Variants in PDE6A observed in about 807,000 individuals in gnomAD.
PDE6A encodes phosphodiesterase 6A.
In PDE6A, 84 loss-of-function variants were observed where a neutral mutation model predicts 106.3. The ratio of observed to expected loss-of-function variants is 0.79; its 90% CI spans 0.66 to 0.95. The LOEUF (loss-of-function observed/expected upper bound fraction) is 0.95. PDE6A is among the 40% of genes least tolerant of loss of function. PDE6A has a pLI of 0.00. For synonymous variants in PDE6A, 394 were observed against 386.6 expected (o/e 1.02, Z -0.23); for missense variants, 1,052 against 1,084.9 (o/e 0.97, Z 0.43).
chr5:149,902,607 G>A (rs1753019677), intron 8 of PDE6A, among the ~76,000 whole-genome samples: 1 of 152,010 alleles, frequency 6.6e-6, no homozygotes, highest in Non-Finnish European at 1.5e-5. Context: ...GATCACCTGC[G>A]GTCAGGAGTT....
intron 4 of PDE6A, among the ~76,000 whole-genome samples, chr5:149,929,174 A>G: frequency 6.6e-6 from 1 of 152,360 alleles, no homozygotes; most frequent in Non-Finnish European, 1.5e-5. Flanking sequence ...AAGTTTCATA[A>G]TAACAGTATT....
chr5:149,934,776 G>A (rs536709443), intron 1 of PDE6A, 58 bp from the exon 2 acceptor site: 11 of 1,561,868 alleles, frequency 7.0e-6, no homozygotes, highest in South Asian at 3.3e-5. Context: ...ACAGTGGAAC[G>A]GCCCAAAGCC....
chr5:149,918,141 G>A (rs933663231), intron 5 of PDE6A, among the ~76,000 whole-genome samples: 9 of 152,216 alleles, frequency 5.9e-5, no homozygotes, highest in Non-Finnish European at 1.2e-4. Flanking sequence ...ACCCACATGT[G>A]GTGATGGATC....
Position 149,867,746 on chromosome 5 carries a change from C to G in PDE6A, c.2253G>C (p.Thr751=). The part of the protein sequence containing the change: ...EFWEQGDLER[T]VLQQNPIPMM... The stretch of plus-strand genomic sequence containing the variant: ...TCACAATGGGATTCTGTTGCAGCAC[C>G]GTGCGCTCCAGGTCACCTTGTTCCC... The change falls in exon 19 of 22, where the codon ACG becomes ACC. Residue 751 remains threonine (T), a synonymous_variant. Transcript: ENST00000255266. 1 of 1,613,882 alleles carries G rather than the reference C, an allele frequency of 6.2e-7. No individual in the cohort carries two copies. Among genetic ancestry groups the G allele is most frequent in the Non-Finnish European group, 8.5e-7 (1 of 1,179,962 alleles).
At chr5:149,909,431 C>T (rs534686012) in intron 6 of PDE6A, among the ~76,000 whole-genome samples, 9 of 152,316 alleles carry the variant, frequency 5.9e-5, no homozygotes, top group South Asian at 2.1e-4. Flanking sequence ...GTTTGCTCTA[C>T]GAGACTCTTT....
intron 3 of PDE6A, among the ~76,000 whole-genome samples, chr5:149,931,742 C>T (rs947065496): frequency 3.3e-5 from 5 of 152,200 alleles, no homozygotes; most frequent in African/African-American, 4.8e-5. Flanking sequence ...AATCAATTCT[C>T]TACAGACTCT....
chr5:149,944,639 A>G lies in PDE6A; in HGVS notation c.35T>C (p.Phe12Ser). ...GGCAAAGCCAATATTCGAGTCCAGG[A>G]ACTTCTCCACCTCCTCTGCTGTCAC... The part of the protein sequence containing the change: ...GEVTAEEVEK[F>S]LDSNIGFAKQ... Residue 12 changes from phenylalanine to serine, a missense_variant, in exon 1 of 22, where the codon TTC becomes TCC. By Grantham distance (155) the Phe-to-Ser change is radical. Transcript: ENST00000255266. The G allele has an allele frequency of 6.2e-7, 1 of 1,612,866 alleles. No individual in the cohort carries two copies. The highest frequency in any genetic ancestry group is 8.5e-7 in the Non-Finnish European group (1 of 1,179,588).
At position 149,895,047 on chromosome 5, in the gene PDE6A, G is replaced by A. The variant is rs533819539; in HGVS notation, c.1728+136C>T. The stretch of plus-strand genomic sequence containing the variant: ...CTTGGAATCCTTTTACACTAAGCCC[G>A]TACTGCTTTCACATAACTCTTAAAA... On this transcript the variant is annotated intron_variant, in intron 13 of 21. Transcript: ENST00000255266. 2.6e-3 allele frequency: 1,790 copies of A among 693,748 alleles called. 6 individuals carry two copies. The highest frequency in any genetic ancestry group is 3.7e-3 in the Non-Finnish European group (1,399 of 374,596). The allele number at this position is 693,748 out of a possible 1,614,324, so 43.0% of individuals were successfully genotyped here.
chr5:149,934,664 T>G lies in PDE6A; in HGVS notation c.529A>C (p.Ile177Leu). ...DILTEYKTKN[I>L]LASPIMNGKD... The stretch of plus-strand genomic sequence containing the variant: ...CCATTCATTATGGGGGAAGCCAAGA[T>G]GTTCTTGGTCTTGTACTCTGTGAGG... The change falls in exon 2 of 22, where the codon ATC becomes CTC. Residue 177 changes from isoleucine (I) to leucine (L), a missense_variant. Ile to Leu is a conservative substitution (Grantham distance 5, BLOSUM62 2). This residue lies in a region of PDE6A where 913 missense variants were observed against 915.2 expected (regional missense o/e 1.00). Transcript: ENST00000255266. 6.2e-7 allele frequency: 1 copy of G among 1,613,984 alleles called. No homozygotes were observed. Among genetic ancestry groups the G allele is most frequent in the Non-Finnish European group, 8.5e-7 (1 of 1,179,840 alleles).
intron 10 of PDE6A, among the ~76,000 whole-genome samples, chr5:149,898,141 G>A (rs1008485873): frequency 1.3e-5 from 2 of 152,190 alleles, no homozygotes; most frequent in African/African-American, 4.8e-5. Context: ...CAGTCGTTAT[G>A]TACCACTCTC....
chr5:149,892,751 G>A (rs189689951), intron 13 of PDE6A, among the ~76,000 whole-genome samples: 3 of 152,084 alleles, frequency 2.0e-5, no homozygotes, highest in Non-Finnish European at 4.4e-5. Context: ...AAAGTGTTGA[G>A]ATTACAGGTG....
intron 1 of PDE6A, among the ~76,000 whole-genome samples, chr5:149,937,898 T>A (rs1243053069): frequency 6.6e-6 from 1 of 152,252 alleles, no homozygotes; most frequent in Non-Finnish European, 1.5e-5. Context: ...TCCCATTTTA[T>A]AGACAACTCC....
intron 13 of PDE6A, among the ~76,000 whole-genome samples, chr5:149,889,599 C>T (rs923165239): frequency 5.9e-5 from 9 of 152,022 alleles, no homozygotes; most frequent in Admixed American, 1.3e-4. Context: ...CATGCCACCA[C>T]ACTAGGCTAA....
At chr5:149,920,944 A>AAGAAAGAAAGAAAG (rs1753690043) in intron 5 of PDE6A, among the ~76,000 whole-genome samples, 1 of 109,566 alleles carries the variant, frequency 9.1e-6, no homozygotes, top group Non-Finnish European at 1.6e-5. Context: ...AAGAGAGAAA[A>AAGAAAGAAAGAAAG]AGAAAGAAAG....
intron 17 of PDE6A, among the ~76,000 whole-genome samples, chr5:149,869,414 G>T (rs564136148): frequency 2.0e-5 from 3 of 152,082 alleles, no homozygotes; most frequent in Admixed American, 2.0e-4. Flanking sequence ...TTAAGGGAGT[G>T]TCCCACTCAT....
intron 4 of PDE6A, 56 bp from the exon 5 acceptor site, chr5:149,921,765 A>C: frequency 7.2e-7 from 1 of 1,392,054 alleles, no homozygotes; most frequent in Non-Finnish European, 1.0e-6. Context: ...AGGAAAGGAG[A>C]TTAAGATGTC....
chr5:149,919,603 G>A lies in PDE6A; in HGVS notation c.933+2032C>T, dbSNP rs182422179. Among the ~76,000 whole-genome samples, 90 of 152,256 alleles carry A rather than the reference G, an allele frequency of 5.9e-4. 1 individual carries two copies. In the East Asian group the frequency reaches 0.014, roughly 24 times the overall value. ...TAACAAAAAGATCAGTGTGCTTTGG[G>A]TAACTAGGCTTTTTCCACTCACTGT... On this transcript the variant is annotated intron_variant, in intron 5 of 21. Coordinates refer to ENST00000255266, the MANE Select transcript of PDE6A (RefSeq NM_000440.3).
chr5:149,879,141 G>A lies in PDE6A; in HGVS notation c.2135+4288C>T, dbSNP rs528851243. 5.1e-4 allele frequency among the ~76,000 whole-genome samples: 78 copies of A among 151,890 alleles called. No homozygotes were observed. The East Asian group carries it at 5.6e-3, about 11-fold the overall frequency. On this transcript the variant is annotated intron_variant, in intron 17 of 21. Coordinates refer to ENST00000255266, the MANE Select transcript of PDE6A (RefSeq NM_000440.3). ...GGCTGGAGTGCAGTGGTGCAGTCTC[G>A]GCTCACAGCAACCTCCACCTCCCAC...
chr5:149,917,737 C>G (rs534380894), intron 5 of PDE6A, among the ~76,000 whole-genome samples: 15 of 152,172 alleles, frequency 9.9e-5, no homozygotes, highest in Non-Finnish European at 2.2e-4. Context: ...GATTCCTGTT[C>G]TAGTTTCGGT....
Sources: gnomAD v4.1 joint callset for allele counts (sites outside exome capture counted in the v4.1 genomes callset) on GRCh38, gnomAD v4.1.1 for gene constraint, gnomAD v4.1.1 regional missense constraint, MANE v1.5 for transcripts, NCBI Gene and HGNC (gene_info 2026-07-23, HGNC 2026-07-21) for gene names.